PLCD1: variants seen among roughly 807,000 people sequenced by gnomAD.
PLCD1 encodes 1-phosphatidylinositol 4,5-bisphosphate phosphodiesterase delta-1.
Under a neutral mutation model 87.4 loss-of-function variants are expected in PLCD1, and 71 were observed. The ratio of observed to expected loss-of-function variants is 0.81; its 90% CI spans 0.67 to 0.99. PLCD1 has a LOEUF of 0.99. PLCD1 is among the 50% of genes least tolerant of loss of function. The probability of loss-of-function intolerance (pLI) is 0.00; values close to 1 mark genes in which losing one functional copy is unlikely to be tolerated. For synonymous variants in PLCD1, 348 were observed against 399.2 expected, an observed-to-expected ratio of 0.87 and a Z score of 1.53; for missense variants, 867 against 1,001.5, an observed-to-expected ratio of 0.87 and a Z score of 1.81.
In PLCD1 at chr3:38,017,807, T is replaced by C. The variant is rs1700180131; in HGVS notation, c.200-1088A>G. Among the ~76,000 whole-genome samples the C allele has an allele frequency of 6.6e-6, 1 of 152,194 alleles. No individual in the cohort carries two copies. Among genetic ancestry groups the C allele is most frequent in the South Asian group, 2.1e-4 (1 of 4,834 alleles). On this transcript the variant is annotated intron_variant, in intron 2 of 14. Coordinates refer to ENST00000334661, the MANE Select transcript of PLCD1 (RefSeq NM_006225.4). This position sits in a 1 kb window ranked among gnomAD's most constrained non-coding sequence, Gnocchi z 4.7. ...ACCTGCAGGGCCCACAGATGTAACATGTGCCAGCCTGGGCTGCAGGCTTTG... is the reference window on the plus strand; with the variant it reads ...ACCTGCAGGGCCCACAGATGTAACACGTGCCAGCCTGGGCTGCAGGCTTTG...
At chr3:38,020,504 G>A in intron 1 of PLCD1, 152 bp from the exon 2 acceptor site, 1 of 748,220 alleles carries the variant, frequency 1.3e-6, no homozygotes, top group Non-Finnish European at 2.3e-6. Context: ...CTCCACCCAT[G>A]CTCCAACCTG....
chr3:38,007,845 G>A lies in PLCD1; in HGVS notation c.2199C>T (p.Val733=). 1 of 1,614,132 alleles carries A rather than the reference G, an allele frequency of 6.2e-7. No homozygotes were observed. The highest frequency in any genetic ancestry group is 8.5e-7 in the Non-Finnish European group (1 of 1,179,942). The change falls in exon 15 of 15, where the codon GTC becomes GTT. Residue 733 remains valine (V), a synonymous_variant. Transcript: ENST00000334661. ...LNSLKQGYRH[V]HLMSKNGDQH... ...GGTCCCCGTTCTTAGACATGAGGTG[G>A]ACATGGCGGTATCCTGGTGGGTGGA...
At chr3:38,008,928 T>C (rs1700015501) in intron 11 of PLCD1, 114 bp downstream of exon 11, 1 of 837,300 alleles carries the variant, frequency 1.2e-6, no homozygotes, top group South Asian at 1.5e-5. Context: ...AGCCCCTGCA[T>C]TTGACCCTGC....
chr3:38,009,367 A>T lies in PLCD1; in HGVS notation c.1511T>A (p.Phe504Tyr), dbSNP rs1382667637. Residue 504 changes from phenylalanine to tyrosine, a missense_variant, in exon 10 of 15, where the codon TTT becomes TAT. Coordinates refer to ENST00000334661, the MANE Select transcript of PLCD1 (RefSeq NM_006225.4). Reference sequence around the variant, plus strand: ...GGTGCCAGGACTGGAGAAGCCCCCAAAGTGGACACTCTTGCAGTAAATGAC... The same window carrying T: ...GGTGCCAGGACTGGAGAAGCCCCCATAGTGGACACTCTTGCAGTAAATGAC... The part of the protein sequence containing the change: ...DMVIYCKSVH[F>Y]GGFSSPGTPG... 1 of 1,614,106 alleles carries T rather than the reference A, an allele frequency of 6.2e-7. No homozygotes were observed. Among genetic ancestry groups the T allele is most frequent in the Non-Finnish European group, 8.5e-7 (1 of 1,179,954 alleles).
At chr3:38,011,122 G>A in intron 5 of PLCD1, 92 bp downstream of exon 5, 1 of 1,020,274 alleles carries the variant, frequency 9.8e-7, no homozygotes, top group Non-Finnish European at 1.4e-6. Flanking sequence ...CTTCCCTCCG[G>A]TTCCCTTCTT....
chr3:38,011,422 G>T lies in PLCD1; in HGVS notation c.582C>A (p.Asp194Glu). Residue 194 changes from aspartate (D) to glutamate (E), a missense_variant, in exon 5 of 15, where the codon GAC becomes GAA. Physicochemically the swap from Asp to Glu is conservative, Grantham distance 45. Transcript: ENST00000334661. ...CCTCAATCTCCTCGTCCTCCAGGGA[G>T]TCTGTCTGGGAGTGGTCACACTCCT... is the stretch of plus-strand genomic sequence containing the variant. ...IFRECDHSQT[D>E]SLEDEEIEAF... The T allele has an allele frequency of 6.2e-7, 1 of 1,614,080 alleles. No individual in the cohort carries two copies. Among genetic ancestry groups the T allele is most frequent in the South Asian group, 1.1e-5 (1 of 91,078 alleles).
At chr3:38,029,321 C>A (rs1700338739) in intron 1 of PLCD1, among the ~76,000 whole-genome samples, 185 bp downstream of exon 1, 1 of 147,960 alleles carries the variant, frequency 6.8e-6, no homozygotes, top group Non-Finnish European at 1.5e-5. Flanking sequence ...CAGGGTCGTG[C>A]CCGGCAGTCC....
intron 3 of PLCD1, among the ~76,000 whole-genome samples, chr3:38,014,967 A>G (rs1700133789): frequency 1.3e-5 from 2 of 152,260 alleles, no homozygotes; most frequent in African/African-American, 2.4e-5. Flanking sequence ...ATGTAGTGTC[A>G]AGGACATGGA....
chr3:38,011,127 C>T, intron 5 of PLCD1, 87 bp downstream of exon 5: 1 of 1,088,628 alleles, frequency 9.2e-7, no homozygotes, highest in Non-Finnish European at 1.3e-6. Flanking sequence ...CTCCGGTTCC[C>T]TTCTTTCTGG....
At position 38,008,017 on chromosome 3, in the gene PLCD1, G is replaced by T. The variant is rs1699991885; in HGVS notation, c.2182C>A (p.Gln728Lys). Residue 728 changes from glutamine to lysine, a missense_variant, in exon 14 of 15, where the codon CAA becomes AAA. Coordinates refer to ENST00000334661, the MANE Select transcript of PLCD1 (RefSeq NM_006225.4). ...ATCCCCTTCTCTTGACACTCACCTT[G>T]CTTGAGGCTGTTCAAGGGGATGGTA... ...QSTIPLNSLK[Q>K]GYRHVHLMSK... 1.2e-6 allele frequency: 2 copies of T among 1,614,166 alleles called. No homozygotes were observed. Among genetic ancestry groups the T allele is most frequent in the Admixed American group, 1.7e-5 (1 of 60,026 alleles).
rs747305532 is a variant in PLCD1, at chr3:38,011,270, G to A, written c.734C>T (p.Ala245Val). Residue 245 changes from alanine (A) to valine (V), a missense_variant, in exon 5 of 15, where the codon GCG becomes GTG. Coordinates refer to ENST00000334661, the MANE Select transcript of PLCD1 (RefSeq NM_006225.4). ...TFLQHQQREE[A>V]AGPALALSLI... ...GGAGAGGGCCAGCGCAGGCCCTGCC[G>A]CCTCCTCCCGCTGCTGGTGCTGCAG... is the stretch of plus-strand genomic sequence containing the variant. The A allele has an allele frequency of 3.7e-6, 6 of 1,611,548 alleles. No homozygotes were observed. The highest frequency in any genetic ancestry group is 2.7e-5 in the African/African-American group (2 of 74,880).
At position 38,008,225 on chromosome 3, in the gene PLCD1, C is replaced by T; in HGVS notation, c.2035+10G>A. On this transcript the variant is annotated intron_variant, in intron 13 of 14. Transcript: ENST00000334661. ...CAGCCCTAGTAGCCCAGCCCAGGCC[C>T]AGCACCTACCATTGTTGGTGATGAC... 6.2e-7 allele frequency: 1 copy of T among 1,614,026 alleles called. No homozygotes were observed.
At chr3:38,024,269 TG>T (rs1700275242) in intron 1 of PLCD1, 7 of 1,408,976 alleles carry the variant, frequency 5.0e-6, no homozygotes, top group Non-Finnish European at 4.9e-6. Context: ...AAGGGACAAG[TG>T]GTCGGCGTCC....
chr3:38,013,743 C>CCTCTGTCTCTGTCTGGCTGT (rs1700117050), intron 3 of PLCD1, among the ~76,000 whole-genome samples: 1 of 152,140 alleles, frequency 6.6e-6, no homozygotes, highest in Non-Finnish European at 1.5e-5. Flanking sequence ...ATGAGACTGT[C>CCTCTGTCTCTGTCTGGCTGT]CAAGGTCAAG....
chr3:38,012,776 C>T (rs377561916), intron 3 of PLCD1, among the ~76,000 whole-genome samples: 320 of 152,302 alleles, frequency 2.1e-3, no homozygotes, highest in African/African-American at 7.4e-3. Flanking sequence ...CTTGGCCTCC[C>T]AAAGTGCGGG....
chr3:38,009,111 G>C lies in PLCD1; in HGVS notation c.1654C>G (p.Pro552Ala). 6.2e-7 allele frequency: 1 copy of C among 1,614,098 alleles called. No individual in the cohort carries two copies. Among genetic ancestry groups the C allele is most frequent in the South Asian group, 1.1e-5 (1 of 91,072 alleles). Residue 552 changes from proline to alanine, a missense_variant, in exon 11 of 15, where the codon CCG (proline) becomes GCG (alanine). By Grantham distance (27) the Pro-to-Ala change is conservative (BLOSUM62 -1). Coordinates refer to ENST00000334661, the MANE Select transcript of PLCD1 (RefSeq NM_006225.4). ...GAGGAGTCTGTTCTCCATCCAGCCGGGTAGATTCTGCTCAGGTGCCCCACG... is the reference window on the plus strand; with the variant it reads ...GAGGAGTCTGTTCTCCATCCAGCCGCGTAGATTCTGCTCAGGTGCCCCACG... ...HNVGHLSRIY[P>A]AGWRTDSSNY...
Position 38,027,004 on chromosome 3 carries a change from G to T in PLCD1, c.34+2502C>A, listed in dbSNP as rs1470088307. The stretch of plus-strand genomic sequence containing the variant: ...AGGAAAAGTTAGTGTGTATGTGGGG[G>T]GTGTTCAGTGAGGGGAGGGCCCTGG... On this transcript the variant is annotated intron_variant, in intron 1 of 14. Coordinates refer to ENST00000334661, the MANE Select transcript of PLCD1 (RefSeq NM_006225.4). Among the ~76,000 whole-genome samples the T allele has an allele frequency of 2.0e-5, 3 of 152,182 alleles. No homozygotes were observed. The South Asian group carries it at 6.2e-4, about 32-fold the overall frequency.
At position 38,010,028 on chromosome 3, in the gene PLCD1, G is replaced by A; in HGVS notation, c.1163C>T (p.Ser388Phe). The A allele has an allele frequency of 1.2e-6, 2 of 1,614,200 alleles. No individual in the cohort carries two copies. Among genetic ancestry groups the A allele is most frequent in the Non-Finnish European group, 1.7e-6 (2 of 1,180,020 alleles). ...FKASPYPVILSLENHCTLEQQ... is the reference protein window; with the variant it reads ...FKASPYPVILFLENHCTLEQQ... The stretch of plus-strand genomic sequence containing the variant: ...CTCCAGTGTGCAGTGGTTCTCCAGG[G>A]ATAGGATGACAGGGTAGGGGGACGC... Residue 388 changes from serine to phenylalanine, a missense_variant, in exon 8 of 15, where the codon TCC becomes TTC. Physicochemically the swap from Ser to Phe is radical, Grantham distance 155 (BLOSUM62 -2). Coordinates refer to ENST00000334661, the MANE Select transcript of PLCD1 (RefSeq NM_006225.4).
intron 1 of PLCD1, among the ~76,000 whole-genome samples, chr3:38,023,488 A>C (rs577551706): frequency 3.0e-4 from 45 of 152,212 alleles, no homozygotes; most frequent in Non-Finnish European, 6.2e-4. Flanking sequence ...CCCTCTGAGG[A>C]AGGCACTGTC....
Sources: gnomAD v4.1 joint callset for allele counts (sites outside exome capture counted in the v4.1 genomes callset) on GRCh38, gnomAD v4.1.1 for gene constraint, Gnocchi (gnomAD v3.1) non-coding constraint, MANE v1.5 for transcripts, NCBI Gene and HGNC (gene_info 2026-07-23, HGNC 2026-07-21) for gene names.